The following PPFIBP2 variants were observed in gnomAD, a reference collection of about 807,000 sequenced individuals.
The protein encoded by PPFIBP2 is liprin-beta-2.
In PPFIBP2, 118 loss-of-function variants were observed where a neutral mutation model predicts 118.3. The ratio of observed to expected loss-of-function variants is 1.00; its 90% CI spans 0.86 to 1.16. The LOEUF is 1.16. PPFIBP2 is among the 50% of genes most tolerant of loss of function. The pLI is 0.00. For missense variants in PPFIBP2, 1,195 were observed against 1,073.1 expected (o/e 1.11, Z -1.59); for synonymous variants, 414 against 397.4 (o/e 1.04, Z -0.50).
At chr11:7,608,469 C>T (rs113017361) in intron 5 of PPFIBP2, among the ~76,000 whole-genome samples, 2,323 of 150,596 alleles carry the variant, frequency 0.015, 62 homozygotes, top group African/African-American at 0.056. Flanking sequence ...GGTGAAACCC[C>T]GTCTCTACTA....
downstream of PPFIBP2, among the ~76,000 whole-genome samples, chr11:7,659,500 G>T (rs1854846296): frequency 6.7e-6 from 1 of 150,224 alleles, no homozygotes; most frequent in African/African-American, 2.5e-5. Context: ...CTGTTCCATT[G>T]ATCTATATCT....
chr11:7,569,365 G>A (rs1222871343), intron 3 of PPFIBP2, among the ~76,000 whole-genome samples: 2 of 152,236 alleles, frequency 1.3e-5, no homozygotes, highest in Non-Finnish European at 1.5e-5. Flanking sequence ...ACCTGCCCAG[G>A]AGTCAGTGGC....
At chr11:7,665,208 C>CA in the PPFIBP2 span, 1 of 563,596 alleles carries the variant, frequency 1.8e-6, no homozygotes, top group Non-Finnish European at 3.0e-6. Flanking sequence ...TCTCCAGCCC[C>CA]TTGAGCCCTT....
chr11:7,590,853 A>T (rs549892575), intron 3 of PPFIBP2, among the ~76,000 whole-genome samples: 3 of 152,350 alleles, frequency 2.0e-5, no homozygotes, highest in Non-Finnish European at 2.9e-5. Flanking sequence ...GGTGTCATGG[A>T]TATTGCTGAT....
the PPFIBP2 span, chr11:7,665,484 C>G: frequency 6.2e-7 from 1 of 1,613,954 alleles, no homozygotes; most frequent in Admixed American, 1.7e-5. Flanking sequence ...GTGGACTTCG[C>G]TGGAGGAGGA....
chr11:7,560,509 T>C (rs1227328633), intron 2 of PPFIBP2, among the ~76,000 whole-genome samples: 2 of 152,152 alleles, frequency 1.3e-5, no homozygotes, highest in Non-Finnish European at 2.9e-5. Context: ...GCTATATGAA[T>C]CATATTCTTT....
In PPFIBP2 at chr11:7,644,279, T is replaced by A. The variant is rs548491334; in HGVS notation, c.1646+1853T>A. ...TTATGTTTATATAGAATTAGGTTCA[T>A]CCACTTTGTGAATTCTTTCATCATT... On this transcript the variant is annotated intron_variant, in intron 17 of 23. Coordinates refer to ENST00000299492, the MANE Select transcript of PPFIBP2 (RefSeq NM_003621.5). 3.3e-5 allele frequency among the ~76,000 whole-genome samples: 5 copies of A among 152,366 alleles called. No individual in the cohort carries two copies. The South Asian group carries it at 6.2e-4, about 19-fold the overall frequency.
intron 2 of PPFIBP2, among the ~76,000 whole-genome samples, chr11:7,556,380 A>G (rs1419640468): frequency 3.9e-5 from 6 of 152,188 alleles, no homozygotes; most frequent in East Asian, 3.9e-4. Context: ...GCATGAACCC[A>G]GGAGGTGGAG....
In PPFIBP2 at chr11:7,595,644, C is replaced by T. The variant is rs1452107396; in HGVS notation, c.373-1916C>T. Reference sequence around the variant, plus strand: ...AGGAGTGTCTGTTAAGTGATCACTGCTGTTCTGCAGTGGAGCTGGTTAGGC... The same window carrying T: ...AGGAGTGTCTGTTAAGTGATCACTGTTGTTCTGCAGTGGAGCTGGTTAGGC... On this transcript the variant is annotated intron_variant, in intron 4 of 23. Coordinates refer to ENST00000299492, the MANE Select transcript of PPFIBP2 (RefSeq NM_003621.5). 2.0e-5 allele frequency among the ~76,000 whole-genome samples: 3 copies of T among 152,188 alleles called. No individual in the cohort carries two copies. In the East Asian group the frequency reaches 5.8e-4, roughly 29 times the overall value.
chr11:7,665,962 C>T, the PPFIBP2 span: 6 of 1,520,862 alleles, frequency 3.9e-6, no homozygotes, highest in East Asian at 4.9e-5. Flanking sequence ...CAGGTACAGC[C>T]GGGAGCAGTG....
chr11:7,547,359 G>A (rs1394048680), intron 1 of PPFIBP2, among the ~76,000 whole-genome samples: 1 of 152,176 alleles, frequency 6.6e-6, no homozygotes, highest in Non-Finnish European at 1.5e-5. Flanking sequence ...TGAGCCATGT[G>A]GGGAGAGATG....
intron 6 of PPFIBP2, among the ~76,000 whole-genome samples, chr11:7,617,955 G>A (rs2135574084): frequency 6.6e-6 from 1 of 152,282 alleles, no homozygotes; most frequent in South Asian, 2.1e-4. Context: ...GCTGATGGCA[G>A]GTGATGGCAG....
intron 3 of PPFIBP2, among the ~76,000 whole-genome samples, chr11:7,586,805 C>T (rs1480854933): frequency 6.6e-6 from 1 of 152,182 alleles, no homozygotes; most frequent in Admixed American, 6.5e-5. Flanking sequence ...TCAGCTGGGC[C>T]AAATGAGGGG....
At chr11:7,632,746 C>T in intron 11 of PPFIBP2, 121 bp from the exon 12 acceptor site, 1 of 735,688 alleles carries the variant, frequency 1.4e-6, no homozygotes, top group Non-Finnish European at 2.4e-6. Context: ...GATGTATCCA[C>T]CATGGCTGCA....
At chr11:7,605,550 C>T (rs191131101) in intron 5 of PPFIBP2, among the ~76,000 whole-genome samples, 8 of 152,280 alleles carry the variant, frequency 5.3e-5, no homozygotes, top group South Asian at 2.1e-4. Context: ...AGTGGAATCA[C>T]GACAAAAGAC....
chr11:7,527,702 G>A (rs1850349377), intron 1 of PPFIBP2, among the ~76,000 whole-genome samples: 1 of 152,162 alleles, frequency 6.6e-6, no homozygotes, highest in South Asian at 2.1e-4. Context: ...GTGTCCTGAA[G>A]GAAAGACAGG....
At position 7,555,040 on chromosome 11, in the gene PPFIBP2, A is replaced by G. The variant is rs545921674; in HGVS notation, c.64+5501A>G. Among the ~76,000 whole-genome samples, 3 of 152,198 alleles carry G rather than the reference A, an allele frequency of 2.0e-5. No individual in the cohort carries two copies. In the South Asian group the frequency reaches 6.2e-4, roughly 32 times the overall value. ...CTGTAATTGAATTACACTGTTGACA[A>G]TTGAAATTGAACTCTATATTGCTTA... On this transcript the variant is annotated intron_variant, in intron 2 of 23. Transcript: ENST00000299492.
At chr11:7,522,838 C>T (rs1262753618) in intron 1 of PPFIBP2, among the ~76,000 whole-genome samples, 4 of 152,192 alleles carry the variant, frequency 2.6e-5, no homozygotes, top group Non-Finnish European at 5.9e-5. Context: ...ACTTATTATG[C>T]TCAATGTGGG....
At chr11:7,515,463 T>A (rs189314114) in intron 1 of PPFIBP2, among the ~76,000 whole-genome samples, 1 of 152,212 alleles carries the variant, frequency 6.6e-6, no homozygotes, top group Admixed American at 6.5e-5. Flanking sequence ...GGAACAAAGT[T>A]ATGGGAATTC....
Sources: allele counts gnomAD v4.1 joint callset (sites outside exome capture counted in the v4.1 genomes callset), GRCh38; gene constraint gnomAD v4.1.1; transcripts MANE v1.5; gene names NCBI Gene and HGNC (gene_info 2026-07-23, HGNC 2026-07-21).